The following SKAP1 variants were observed in gnomAD, a reference collection of about 807,000 sequenced individuals.
The protein encoded by SKAP1 is src kinase associated phosphoprotein 1, also known as src kinase-associated phosphoprotein 1.
A neutral mutation model predicts 58.5 loss-of-function variants in SKAP1; 44 were observed. The observed-to-expected ratio is 0.75, with a 90% CI of 0.59 to 0.97. The LOEUF (loss-of-function observed/expected upper bound fraction) is 0.97. Among genes scored for constraint, SKAP1 ranks in the 50% least tolerant of loss-of-function variants. The pLI is 0.00. For synonymous variants in SKAP1, 127 were observed against 149.7 expected (o/e 0.85, Z 1.11); for missense variants, 390 against 435.2 (o/e 0.90, Z 0.92).
intron 4 of SKAP1, among the ~76,000 whole-genome samples, chr17:48,195,536 A>G (rs956201960): frequency 4.6e-5 from 7 of 152,236 alleles, no homozygotes; most frequent in African/African-American, 1.4e-4. Context: ...AATTTCAAAG[A>G]TATAGAAAGC....
At chr17:48,224,038 A>AGAAGAAGG (rs1372629777) in intron 4 of SKAP1, among the ~76,000 whole-genome samples, 45 of 52,422 alleles carry the variant, frequency 8.6e-4, no homozygotes, top group Non-Finnish European at 1.5e-3. Context: ...GAGAGAGAAG[A>AGAAGAAGG]AGGAGGAGGA....
At chr17:48,432,161 T>C (rs1304263911), upstream of SKAP1, among the ~76,000 whole-genome samples, 1 of 152,198 alleles carries the variant, frequency 6.6e-6, no homozygotes, top group Non-Finnish European at 1.5e-5. Context: ...CTGGGCACAG[T>C]GGCTCACGCC....
At chr17:48,143,437 C>T (rs2063792646) in intron 11 of SKAP1, among the ~76,000 whole-genome samples, 1 of 151,796 alleles carries the variant, frequency 6.6e-6, no homozygotes, top group African/African-American at 2.4e-5. Flanking sequence ...GCCTTGAACT[C>T]CTGAGCTCAA....
intron 6 of SKAP1, among the ~76,000 whole-genome samples, chr17:48,186,213 G>A (rs2064449072): frequency 6.6e-6 from 1 of 152,214 alleles, no homozygotes; most frequent in South Asian, 2.1e-4. Context: ...AGAAATTGTG[G>A]TTGCTGGGTT....
intron 4 of SKAP1, among the ~76,000 whole-genome samples, chr17:48,254,909 C>T (rs1055930376): frequency 6.6e-6 from 1 of 151,978 alleles, no homozygotes; most frequent in South Asian, 2.1e-4. Context: ...CCCAAGAGCA[C>T]TTGAATTTTC....
intron 2 of SKAP1, among the ~76,000 whole-genome samples, chr17:48,367,563 T>TATATATATATATGGATATATATCC (rs1243566966): frequency 4.8e-4 from 70 of 146,110 alleles, no homozygotes; most frequent in Middle Eastern, 3.6e-3. Context: ...TATATATCCA[T>TATATATATATATGGATATATATCC]ATATATATAT....
intron 4 of SKAP1, among the ~76,000 whole-genome samples, chr17:48,340,214 C>T (rs371417213): frequency 5.9e-4 from 89 of 151,896 alleles, no homozygotes; most frequent in African/African-American, 2.0e-3. Context: ...TAAAGTCTAT[C>T]GAGGGTGCTG....
In SKAP1 at chr17:48,137,215, C is replaced by G. The variant is rs755700577; in HGVS notation, c.*7+14G>C. 2 of 1,553,820 alleles carry G rather than the reference C, an allele frequency of 1.3e-6. No individual in the cohort carries two copies. Among genetic ancestry groups the G allele is most frequent in the South Asian group, 2.2e-5 (2 of 89,584 alleles). On this transcript the variant is annotated intron_variant, in intron 12 of 12. Coordinates refer to ENST00000336915, the MANE Select transcript of SKAP1 (RefSeq NM_003726.4). ...CTCAACTATTAGGCAGTTCATTGGCCATGGTTCTGATACCTGGGTTTCATC... is the reference window on the plus strand; with the variant it reads ...CTCAACTATTAGGCAGTTCATTGGCGATGGTTCTGATACCTGGGTTTCATC...
At chr17:48,327,697 T>G (rs984177872) in intron 4 of SKAP1, among the ~76,000 whole-genome samples, 1 of 152,196 alleles carries the variant, frequency 6.6e-6, no homozygotes, top group Non-Finnish European at 1.5e-5. Context: ...GGTGCAATCT[T>G]GGCTCACTGC....
At chr17:48,295,758 C>T (rs974241225) in intron 4 of SKAP1, among the ~76,000 whole-genome samples, 1 of 151,246 alleles carries the variant, frequency 6.6e-6, no homozygotes, top group African/African-American at 2.4e-5. Context: ...AATTTCCTGT[C>T]TGAGATCCAC....
At chr17:48,368,469 T>C (rs920428435) in intron 2 of SKAP1, among the ~76,000 whole-genome samples, 1 of 152,168 alleles carries the variant, frequency 6.6e-6, no homozygotes, top group African/African-American at 2.4e-5. Flanking sequence ...AAAAAGCATA[T>C]AAATGCACAC....
intron 4 of SKAP1, among the ~76,000 whole-genome samples, chr17:48,282,726 G>A (rs1054467766): frequency 2.0e-5 from 3 of 151,900 alleles, no homozygotes; most frequent in Admixed American, 2.0e-4. Context: ...GTGAGCCAAG[G>A]TCGTCTCGCT....
intron 4 of SKAP1, among the ~76,000 whole-genome samples, chr17:48,338,371 C>T (rs567574693): frequency 2.2e-4 from 33 of 152,144 alleles, no homozygotes; most frequent in African/African-American, 7.2e-4. Flanking sequence ...AAGCTGGTCT[C>T]GAACTCCTGA....
chr17:48,180,216 C>T lies in SKAP1; in HGVS notation c.664G>A (p.Asp222Asn). 4.4e-6 allele frequency: 7 copies of T among 1,603,840 alleles called. No individual in the cohort carries two copies. Among genetic ancestry groups the T allele is most frequent in the Non-Finnish European group, 6.0e-6 (7 of 1,174,460 alleles). ...TCTTCTTTTTCTTCTTCCTCCTCAT[C>T]CTCTTCATATGGAATGGTTAAGGAG... Reference protein sequence around the residue: ...LSSLTIPYEEDEEEEEKEETY... With the variant: ...LSSLTIPYEENEEEEEKEETY... The change falls in exon 9 of 13, where the codon GAT becomes AAT. Residue 222 changes from aspartate to asparagine, a missense_variant. Coordinates refer to ENST00000336915, the MANE Select transcript of SKAP1 (RefSeq NM_003726.4).
the SKAP1 span, among the ~76,000 whole-genome samples, chr17:48,442,189 G>C: frequency 1.3e-5 from 2 of 152,174 alleles, no homozygotes; most frequent in African/African-American, 4.8e-5. Context: ...ACCTGAGTGC[G>C]TTGTGGCCAT....
intron 1 of SKAP1, among the ~76,000 whole-genome samples, chr17:48,414,937 T>C (rs1598677433): frequency 6.6e-6 from 1 of 152,214 alleles, no homozygotes; most frequent in African/African-American, 2.4e-5. Flanking sequence ...TGACATCTTA[T>C]GGGTCATATT....
At chr17:48,171,762 T>TGTGTGA (rs1306386109) in intron 9 of SKAP1, among the ~76,000 whole-genome samples, 3 of 151,622 alleles carry the variant, frequency 2.0e-5, no homozygotes, top group Non-Finnish European at 2.9e-5. Context: ...TGTGTGTGTG[T>TGTGTGA]GAACAACCCT....
At chr17:48,204,678 C>A (rs1481854145) in intron 4 of SKAP1, 1 of 152,136 alleles carries the variant, frequency 6.6e-6, no homozygotes, top group Admixed American at 6.5e-5. Flanking sequence ...TTTGGCATTA[C>A]CAGAGAAGAG....
chr17:48,335,716 T>A (rs911292499), intron 4 of SKAP1, among the ~76,000 whole-genome samples: 3 of 152,038 alleles, frequency 2.0e-5, no homozygotes, highest in African/African-American at 7.2e-5. Context: ...AAGAAAAAAA[T>A]ATCTGTGAAT....
Sources: gnomAD v4.1 joint callset for allele counts (sites outside exome capture counted in the v4.1 genomes callset) on GRCh38, gnomAD v4.1.1 for gene constraint, MANE v1.5 for transcripts, NCBI Gene and HGNC (gene_info 2026-07-23, HGNC 2026-07-21) for gene names.